The following STAG1 variants were observed in gnomAD, a reference collection of about 807,000 sequenced individuals.
The protein encoded by STAG1 is cohesin subunit SA-1.
In STAG1, 26 loss-of-function variants were observed where a neutral mutation model predicts 170.9. The ratio of observed to expected loss-of-function variants is 0.15; its 90% CI spans 0.11 to 0.21. STAG1 has a LOEUF of 0.21. STAG1 is among the 10% of genes least tolerant of loss of function. The pLI is 1.00. For missense variants in STAG1, 964 were observed against 1,509.5 expected (o/e 0.64, Z 5.99); for synonymous variants, 514 against 497.7 (o/e 1.03, Z -0.44).
Position 136,604,409 on chromosome 3 carries a change from C to T in STAG1, c.197G>A (p.Gly66Glu), listed in dbSNP as rs745376208. ...EKSRIEAGIR[G>E]AGRGRANGHP... The stretch of plus-strand genomic sequence containing the variant: ...TCCATTAGCTCTTCCACGGCCTGCT[C>T]CTCTAATTCCAGCTTCAATTCTGCT... Residue 66 changes from glycine to glutamate, a missense_variant, in exon 4 of 34, where the codon GGA becomes GAA. Physicochemically the swap from Gly to Glu is moderately conservative, Grantham distance 98 (BLOSUM62 -2). Transcript: ENST00000383202. 6.2e-7 allele frequency: 1 copy of T among 1,613,844 alleles called. No individual in the cohort carries two copies. The highest frequency in any genetic ancestry group is 8.5e-7 in the Non-Finnish European group (1 of 1,179,894).
chr3:136,715,007 TATATATAAA>T (rs869125097), intron 1 of STAG1, among the ~76,000 whole-genome samples: 12,685 of 136,190 alleles, frequency 0.093, 771 homozygotes, highest in Middle Eastern at 0.16. Context: ...ATATATAATA[TATATATAAA>T]ATATATATAT....
intron 5 of STAG1, among the ~76,000 whole-genome samples, chr3:136,559,997 C>G (rs1351790715): frequency 3.3e-5 from 5 of 152,132 alleles, no homozygotes; most frequent in Non-Finnish European, 7.4e-5. Flanking sequence ...GACATAACAA[C>G]TTCCTGAAAA....
At chr3:136,602,775 C>T (rs1327170269) in intron 4 of STAG1, among the ~76,000 whole-genome samples, 2 of 151,816 alleles carry the variant, frequency 1.3e-5, no homozygotes, top group Non-Finnish European at 2.9e-5. Context: ...CCCTTGAACC[C>T]GGGAGGTGGA....
rs149504952 is a variant in STAG1 at position 136,459,256 on chromosome 3, A to G, written c.1313+5625T>C. ...AAAAAAGAAAAGAAAAGAAAAGAAA[A>G]AAAGACAAAGAATACCATTTTACAA... On this transcript the variant is annotated intron_variant, in intron 13 of 33. Transcript: ENST00000383202. Among the ~76,000 whole-genome samples, 207 of 152,108 alleles carry G rather than the reference A, an allele frequency of 1.4e-3. 2 individuals are homozygous for G. Among genetic ancestry groups the G allele is most frequent in the African/African-American group, 4.8e-3 (199 of 41,532 alleles).
chr3:136,424,564 C>T (rs1055363296), intron 16 of STAG1, among the ~76,000 whole-genome samples: 15 of 151,982 alleles, frequency 9.9e-5, no homozygotes, highest in South Asian at 2.1e-4. Flanking sequence ...AACTCCTGAC[C>T]GCAAGTGATC....
chr3:136,546,841 T>C (rs914997242), intron 5 of STAG1, among the ~76,000 whole-genome samples: 7 of 152,206 alleles, frequency 4.6e-5, no homozygotes, highest in African/African-American at 1.7e-4. Flanking sequence ...TTGAGACTAC[T>C]TAAGATTCTT....
At chr3:136,431,144 T>C (rs1485785274) in intron 16 of STAG1, among the ~76,000 whole-genome samples, 1 of 151,994 alleles carries the variant, frequency 6.6e-6, no homozygotes, top group Non-Finnish European at 1.5e-5. Flanking sequence ...CCTTAGGTAA[T>C]CCACCTGCCT....
At chr3:136,542,444 A>G (rs1576588194) in intron 5 of STAG1, among the ~76,000 whole-genome samples, 1 of 152,206 alleles carries the variant, frequency 6.6e-6, no homozygotes, top group Non-Finnish European at 1.5e-5. Context: ...ACATAACATC[A>G]GAAATCTACC....
At chr3:136,672,372 T>C (rs1942004257) in intron 1 of STAG1, among the ~76,000 whole-genome samples, 1 of 152,186 alleles carries the variant, frequency 6.6e-6, no homozygotes, top group Admixed American at 6.5e-5. Flanking sequence ...AAATACATAG[T>C]GAGAAATATA....
At chr3:136,620,614 A>G (rs930418691) in intron 3 of STAG1, among the ~76,000 whole-genome samples, 8 of 152,238 alleles carry the variant, frequency 5.3e-5, no homozygotes, top group African/African-American at 1.9e-4. Context: ...AGCCAAAACA[A>G]AGCTCAAAGT....
intron 21 of STAG1, among the ~76,000 whole-genome samples, chr3:136,408,122 T>C (rs1460596993): frequency 6.6e-6 from 1 of 152,216 alleles, no homozygotes; most frequent in Non-Finnish European, 1.5e-5. Flanking sequence ...GATGAACATG[T>C]AGAATGTTTT....
At chr3:136,550,025 C>A (rs949705968) in intron 5 of STAG1, among the ~76,000 whole-genome samples, 1 of 152,014 alleles carries the variant, frequency 6.6e-6, no homozygotes, top group African/African-American at 2.4e-5. Flanking sequence ...GGTTGCTAGT[C>A]TTTTGTTTAG....
chr3:136,417,824 A>G (rs746270410), intron 21 of STAG1, 61 bp downstream of exon 21: 4 of 1,252,386 alleles, frequency 3.2e-6, no homozygotes, highest in Non-Finnish European at 4.7e-6. Flanking sequence ...TCTGATAATC[A>G]TATGACTTCA....
At chr3:136,599,400 A>G (rs954242925) in intron 4 of STAG1, among the ~76,000 whole-genome samples, 3 of 152,012 alleles carry the variant, frequency 2.0e-5, no homozygotes, top group Admixed American at 6.6e-5. Flanking sequence ...GCATGGTGAC[A>G]TGTGCCTGTA....
chr3:136,390,252 G>T (rs1007179784), intron 22 of STAG1, among the ~76,000 whole-genome samples: 1 of 152,160 alleles, frequency 6.6e-6, no homozygotes, highest in Admixed American at 6.6e-5. Context: ...ACCATGACTT[G>T]TAAGTCATTT....
At chr3:136,654,453 T>C (rs1303047345) in intron 1 of STAG1, among the ~76,000 whole-genome samples, 4 of 152,196 alleles carry the variant, frequency 2.6e-5, no homozygotes, top group East Asian at 1.9e-4. Context: ...AGACTTGTAG[T>C]ACACTGAAAA....
At chr3:136,556,081 T>C (rs1431394824) in intron 5 of STAG1, among the ~76,000 whole-genome samples, 1 of 152,182 alleles carries the variant, frequency 6.6e-6, no homozygotes, top group East Asian at 1.9e-4. Context: ...ATATCAGTGG[T>C]AGACATGCTT....
Position 136,618,935 on chromosome 3 carries a change from T to C in STAG1, c.132+4211A>G, listed in dbSNP as rs569152356. Among the ~76,000 whole-genome samples the C allele has an allele frequency of 5.3e-5, 8 of 152,228 alleles. No homozygotes were observed. The East Asian group carries it at 1.3e-3, about 26-fold the overall frequency. ...AATTTAAAAAAAAAGTAACATCATGTCTGCAACTTACTCCAAAACAGTTCA... is the reference window on the plus strand; with the variant it reads ...AATTTAAAAAAAAAGTAACATCATGCCTGCAACTTACTCCAAAACAGTTCA... On this transcript the variant is annotated intron_variant, in intron 3 of 33. Transcript: ENST00000383202.
At chr3:136,594,775 C>T (rs1184136700) in intron 4 of STAG1, among the ~76,000 whole-genome samples, 2 of 152,018 alleles carry the variant, frequency 1.3e-5, no homozygotes, top group Non-Finnish European at 2.9e-5. Context: ...AACGACAGTC[C>T]GACTTTTTTT....
Sources: allele counts gnomAD v4.1 joint callset (sites outside exome capture counted in the v4.1 genomes callset), GRCh38; gene constraint gnomAD v4.1.1; transcripts MANE v1.5; gene names NCBI Gene and HGNC (gene_info 2026-07-23, HGNC 2026-07-21).